The following C12orf42 variants were observed in gnomAD, a reference collection of about 807,000 sequenced individuals.
The protein encoded by C12orf42 is chromosome 12 open reading frame 42.
A neutral mutation model predicts 21.6 loss-of-function variants in C12orf42; 25 were observed. The ratio of observed to expected loss-of-function variants is 1.16; its 90% CI spans 0.84 to 1.62. The LOEUF (loss-of-function observed/expected upper bound fraction) is 1.62, where lower values mean the gene tolerates loss of function less well. Among genes scored for constraint, C12orf42 ranks in the 40% most tolerant of loss-of-function variants. The probability of loss-of-function intolerance (pLI) is 0.00; values close to 1 mark genes in which losing one functional copy is unlikely to be tolerated. For missense variants in C12orf42, 483 were observed against 459.3 expected (o/e 1.05, Z -0.47); for synonymous variants, 174 against 175.0 (o/e 0.99, Z 0.05).
chr12:103,268,887 G>C (rs905474647), exon 7 of C12orf42: 1 of 152,112 alleles, frequency 6.6e-6, no homozygotes, highest in African/African-American at 2.4e-5. Context: ...CAGTTGATCA[G>C]CTATTCCATT....
chr12:103,388,520 A>T (rs2046813204), intron 3 of C12orf42, among the ~76,000 whole-genome samples: 1 of 152,068 alleles, frequency 6.6e-6, no homozygotes, highest in African/African-American at 2.4e-5. Flanking sequence ...ATGGGATTCT[A>T]CTGCATTTGT....
the C12orf42 span, among the ~76,000 whole-genome samples, chr12:103,071,050 T>C: frequency 6.6e-6 from 1 of 152,116 alleles, no homozygotes; most frequent in Non-Finnish European, 1.5e-5. Context: ...TATTTCCTGA[T>C]TTTTTTCCCA....
chr12:103,191,565 A>G, the C12orf42 span, among the ~76,000 whole-genome samples: 3 of 149,278 alleles, frequency 2.0e-5, no homozygotes, highest in Non-Finnish European at 4.5e-5. Flanking sequence ...AAAAAAAAAA[A>G]AAAAAAAAAT....
At chr12:103,427,588 G>A (rs1201430729) in intron 2 of C12orf42, among the ~76,000 whole-genome samples, 1 of 152,090 alleles carries the variant, frequency 6.6e-6, no homozygotes, top group South Asian at 2.1e-4. Context: ...AAATTAACAA[G>A]GATATTCAGG....
At chr12:103,510,775 G>A in the C12orf42 span, among the ~76,000 whole-genome samples, 1 of 152,150 alleles carries the variant, frequency 6.6e-6, no homozygotes, top group Non-Finnish European at 1.5e-5. Context: ...AACTTCAATG[G>A]GAAATCGATG....
intron 2 of C12orf42, among the ~76,000 whole-genome samples, chr12:103,415,696 A>G (rs1032209614): frequency 6.6e-6 from 1 of 152,232 alleles, no homozygotes; most frequent in Non-Finnish European, 1.5e-5. Flanking sequence ...CATGCTTTAC[A>G]GTAACATATG....
chr12:103,219,168 G>T, the C12orf42 span, among the ~76,000 whole-genome samples: 14 of 152,226 alleles, frequency 9.2e-5, no homozygotes, highest in Non-Finnish European at 1.6e-4. Context: ...CAATTTGCCA[G>T]TCTGTGTCTT....
chr12:103,302,164 G>A lies in C12orf42; in HGVS notation c.1027C>T (p.His343Tyr). ...GAAAGGGCCTGTGAACAAACCGTATGGAAACGCCGGGTTGGGCGGGGGGGT... is the reference window on the plus strand; with the variant it reads ...GAAAGGGCCTGTGAACAAACCGTATAGAAACGCCGGGTTGGGCGGGGGGGT... ...SAPPRPTRRF[H>Y]TVCSQALSRP... The change falls in exon 6 of 6, where the codon CAT becomes TAT. Residue 343 changes from histidine (H) to tyrosine (Y), a missense_variant. Transcript: ENST00000548883. 1.9e-6 allele frequency: 3 copies of A among 1,613,256 alleles called. No individual in the cohort carries two copies. The highest frequency in any genetic ancestry group is 1.1e-5 in the South Asian group (1 of 90,874).
intron 10 of C12orf42, among the ~76,000 whole-genome samples, chr12:103,245,254 G>A (rs141140817): frequency 1.3e-5 from 2 of 152,130 alleles, no homozygotes; most frequent in African/African-American, 4.8e-5. Context: ...AAGCTTCAGC[G>A]GTGGTTATTT....
chr12:103,398,578 G>A (rs182196823), intron 3 of C12orf42, among the ~76,000 whole-genome samples: 27 of 152,022 alleles, frequency 1.8e-4, no homozygotes, highest in African/African-American at 3.1e-4. Context: ...TAGGAAACCC[G>A]TTTATACCCC....
the C12orf42 span, among the ~76,000 whole-genome samples, chr12:103,065,285 G>A: frequency 6.0e-4 from 91 of 152,308 alleles, 1 homozygote; most frequent in African/African-American, 2.1e-3. Flanking sequence ...GACTCCAGTT[G>A]CATCTGCTGT....
chr12:103,344,016 TC>T (rs2137299883), intron 4 of C12orf42, among the ~76,000 whole-genome samples: 1 of 152,314 alleles, frequency 6.6e-6, no homozygotes, highest in South Asian at 2.1e-4. Context: ...AAGACATTGA[TC>T]TTTTTCATCT....
chr12:103,181,579 G>A, the C12orf42 span, among the ~76,000 whole-genome samples: 1 of 152,186 alleles, frequency 6.6e-6, no homozygotes, highest in Non-Finnish European at 1.5e-5. Context: ...AGCTGAAAAG[G>A]GGAAGTTAAT....
At chr12:103,465,686 A>G (rs938700531) in intron 2 of C12orf42, among the ~76,000 whole-genome samples, 1 of 152,204 alleles carries the variant, frequency 6.6e-6, no homozygotes, top group Non-Finnish European at 1.5e-5. Context: ...CCAGTTTTCA[A>G]AGGGAATGCT....
the C12orf42 span, among the ~76,000 whole-genome samples, chr12:103,140,206 C>T: frequency 0.034 from 5,244 of 152,238 alleles, 174 homozygotes; most frequent in African/African-American, 0.091. Context: ...TACAACAATA[C>T]ACACATTTTA....
At chr12:103,481,798 T>C (rs1370614379) in intron 1 of C12orf42, among the ~76,000 whole-genome samples, 1 of 151,322 alleles carries the variant, frequency 6.6e-6, no homozygotes, top group East Asian at 1.9e-4. Flanking sequence ...CTTCTGTTTT[T>C]TGTTTGGGTT....
chr12:103,170,496 CAG>C, the C12orf42 span, among the ~76,000 whole-genome samples: 1 of 152,120 alleles, frequency 6.6e-6, no homozygotes, highest in African/African-American at 2.4e-5. Flanking sequence ...AAGCTTCCAT[CAG>C]CCTTCCACTT....
chr12:103,170,369 C>T, the C12orf42 span, among the ~76,000 whole-genome samples: 2 of 152,240 alleles, frequency 1.3e-5, no homozygotes, highest in African/African-American at 2.4e-5. Context: ...ACTTTCTCCT[C>T]CTCTCTTCAT....
the C12orf42 span, among the ~76,000 whole-genome samples, chr12:103,100,289 G>A: frequency 6.6e-6 from 1 of 152,208 alleles, no homozygotes; most frequent in East Asian, 1.9e-4. Flanking sequence ...GATTGCTCAG[G>A]CTCCTTTGTG....
Sources: gnomAD v4.1 joint callset for allele counts (sites outside exome capture counted in the v4.1 genomes callset) on GRCh38, gnomAD v4.1.1 for gene constraint, MANE v1.5 for transcripts, NCBI Gene and HGNC (gene_info 2026-07-23, HGNC 2026-07-21) for gene names.